RASGEF1C: variants seen among roughly 807,000 people sequenced by gnomAD.
RASGEF1C encodes RasGEF domain family member 1C.
In RASGEF1C, 27 loss-of-function variants were observed where a neutral mutation model predicts 58.1. The observed-to-expected ratio is 0.46, with a 90% CI of 0.34 to 0.64. The LOEUF (loss-of-function observed/expected upper bound fraction) is 0.64. Among genes scored for constraint, RASGEF1C ranks in the 30% least tolerant of loss-of-function variants. The probability of loss-of-function intolerance (pLI) is 0.01; values close to 1 mark genes in which losing one functional copy is unlikely to be tolerated. For missense variants in RASGEF1C, 502 were observed against 605.1 expected, an observed-to-expected ratio of 0.83 and a Z score of 1.79; for synonymous variants, 243 against 246.3, an observed-to-expected ratio of 0.99 and a Z score of 0.13.
At chr5:180,175,923 G>A (rs1041514359) in intron 1 of RASGEF1C, among the ~76,000 whole-genome samples, 1 of 152,260 alleles carries the variant, frequency 6.6e-6, no homozygotes, top group Admixed American at 6.5e-5. Flanking sequence ...GGAAGGCAGA[G>A]CTTGAAGTGA....
chr5:180,123,449 A>G (rs1465810163), intron 6 of RASGEF1C, among the ~76,000 whole-genome samples: 1 of 152,262 alleles, frequency 6.6e-6, no homozygotes, highest in African/African-American at 2.4e-5. Context: ...TTCTTTTCAA[A>G]TGTTCAGAAA....
chr5:180,128,851 TG>T (rs1367873845), intron 4 of RASGEF1C, among the ~76,000 whole-genome samples: 1 of 146,810 alleles, frequency 6.8e-6, no homozygotes, highest in African/African-American at 2.6e-5. Context: ...TTCCCATCTG[TG>T]GGTGGGAGCC....
chr5:180,159,186 C>T (rs947037578), intron 1 of RASGEF1C, among the ~76,000 whole-genome samples: 2 of 150,920 alleles, frequency 1.3e-5, no homozygotes, highest in Non-Finnish European at 2.9e-5. Context: ...GTTGCCCAGG[C>T]TGGAGTGCAA....
intron 1 of RASGEF1C, among the ~76,000 whole-genome samples, chr5:180,179,817 A>G (rs546478913): frequency 6.6e-6 from 1 of 152,378 alleles, no homozygotes; most frequent in African/African-American, 2.4e-5. Flanking sequence ...CCGTGTACCC[A>G]GAGATAAGTC....
In RASGEF1C at chr5:180,122,213, G is replaced by A. The variant is rs560121365; in HGVS notation, c.715-1064C>T. On this transcript the variant is annotated intron_variant, in intron 6 of 13. Transcript: ENST00000361132. ...TAACCTTGCATTTCCCCCCGGGAGC[G>A]ATGGTTCTGTGCTCCCTCACTCGGT... Among the ~76,000 whole-genome samples, 6 of 152,336 alleles carry A rather than the reference G, an allele frequency of 3.9e-5. No homozygotes were observed. The East Asian group carries it at 9.6e-4, about 24-fold the overall frequency.
Position 180,101,353 on chromosome 5 carries a change from G to GGT in RASGEF1C, c.*147_*148insAC. The GGT allele has an allele frequency of 7.8e-6, 2 of 256,322 alleles. No homozygotes were observed. The highest frequency in any genetic ancestry group is 1.2e-5 in the Non-Finnish European group (2 of 163,700). 15.9% of individuals were successfully genotyped at this position (256,322 alleles called of 1,614,324 possible). On this transcript the variant is annotated 3_prime_UTR_variant, in exon 14 of 14. Transcript: ENST00000361132. Reference sequence around the variant, plus strand: ...CTCCTGTGCCCGTATGGCCACTGTGGGGGGGGGGGGGGCGGGCAGCAGGCC... The same window carrying GGT: ...CTCCTGTGCCCGTATGGCCACTGTGGGTGGGGGGGGGGGGCGGGCAGCAGGCC...
rs1022722908 is a variant in RASGEF1C, at chr5:180,152,842, C to T, written c.-6-14784G>A. Among the ~76,000 whole-genome samples the T allele has an allele frequency of 2.8e-4, 40 of 144,394 alleles. 1 individual carries two copies. The highest frequency in any genetic ancestry group is 1.5e-3 in the South Asian group (7 of 4,536). 94.7% of individuals were successfully genotyped at this position (144,394 alleles called of 152,430 possible). On this transcript the variant is annotated intron_variant, in intron 1 of 13. Coordinates refer to ENST00000361132, the MANE Select transcript of RASGEF1C (RefSeq NM_175062.4). ...AGGAGAACTGCTTGAACCCGAGAGG[C>T]GGAAGTTGCAGTGGGCCGAGATTGC...
intron 12 of RASGEF1C, among the ~76,000 whole-genome samples, chr5:180,103,267 T>C (rs6877634): frequency 0.59 from 89,292 of 151,894 alleles, 26,533 homozygotes; most frequent in East Asian, 0.7. Context: ...TTAGTAGAGA[T>C]GGGGTTTCAC....
intron 1 of RASGEF1C, among the ~76,000 whole-genome samples, chr5:180,200,794 CGCGCTCCTCTA>C (rs1206202816): frequency 6.6e-6 from 1 of 152,074 alleles, no homozygotes; most frequent in Non-Finnish European, 1.5e-5. Flanking sequence ...AGACAGGGCG[CGCGCTCCTCTA>C]ACTGGTGTGG....
At position 180,113,024 on chromosome 5, in the gene RASGEF1C, GATGGA is replaced by G. The variant is rs1408219876; in HGVS notation, c.1179+1417_1179+1421del. Among the ~76,000 whole-genome samples the G allele has an allele frequency of 2.0e-5, 2 of 101,646 alleles. 1 individual carries two copies. The highest frequency in any genetic ancestry group is 6.8e-5 in the African/African-American group (2 of 29,246). 66.7% of individuals were successfully genotyped at this position (101,646 alleles called of 152,430 possible). A position where few individuals can be genotyped will look rare whatever the true frequency, so the allele number is the denominator to read the frequency against. ...ATCCGGGCTGGACGGAGGGACCGGG[GATGGA>G]CGGAGGGACCGGGGATGGACGGAGG... On this transcript the variant is annotated intron_variant, in intron 11 of 13. Transcript: ENST00000361132.
At chr5:180,107,833 G>A (rs940575642) in intron 12 of RASGEF1C, among the ~76,000 whole-genome samples, 1 of 152,156 alleles carries the variant, frequency 6.6e-6, no homozygotes, top group Non-Finnish European at 1.5e-5. Flanking sequence ...GGTTGGTCAG[G>A]CTGGTCTCGA....
At chr5:180,196,276 G>C (rs976708319) in intron 1 of RASGEF1C, among the ~76,000 whole-genome samples, 3 of 152,052 alleles carry the variant, frequency 2.0e-5, no homozygotes, top group African/African-American at 4.8e-5. Context: ...AAGGCAGGTG[G>C]ATCACTTGAG....
rs188522526 is a variant in RASGEF1C at position 180,132,674 on chromosome 5, T to C, written c.438+3704A>G. Among the ~76,000 whole-genome samples, 1,101 of 152,212 alleles carry C rather than the reference T, an allele frequency of 7.2e-3. 8 individuals are homozygous for C. Among genetic ancestry groups the C allele is most frequent in the Middle Eastern group, 0.01 (3 of 294 alleles). On this transcript the variant is annotated intron_variant, in intron 4 of 13. Transcript: ENST00000361132. Reference sequence around the variant, plus strand: ...CCCCAGACAGTCCGTGTGGGCGAGTTAGAAAGCAAGACCAGGCCGGGCGCG... The same window carrying C: ...CCCCAGACAGTCCGTGTGGGCGAGTCAGAAAGCAAGACCAGGCCGGGCGCG...
At chr5:180,110,093 G>A (rs1765933831) in intron 12 of RASGEF1C, among the ~76,000 whole-genome samples, 1 of 151,912 alleles carries the variant, frequency 6.6e-6, no homozygotes, top group Non-Finnish European at 1.5e-5. Flanking sequence ...GACTTCGCCT[G>A]GGCAGCTCCA....
intron 3 of RASGEF1C, 135 bp from the exon 4 acceptor site, chr5:180,136,650 G>A (rs937947694): frequency 2.1e-6 from 2 of 949,648 alleles, no homozygotes; most frequent in East Asian, 2.7e-5. Flanking sequence ...GAGGAGGAGG[G>A]GGGTGCGATC....
chr5:180,129,601 C>A (rs1188235513), intron 4 of RASGEF1C, among the ~76,000 whole-genome samples: 2 of 152,190 alleles, frequency 1.3e-5, no homozygotes, highest in African/African-American at 4.8e-5. Context: ...CTGTGTGTCT[C>A]AAAATCGCAT....
At chr5:180,144,469 T>C (rs764365966) in intron 1 of RASGEF1C, among the ~76,000 whole-genome samples, 2 of 152,024 alleles carry the variant, frequency 1.3e-5, no homozygotes, top group Non-Finnish European at 2.9e-5. Flanking sequence ...GACCCTCATC[T>C]CTAGAAAAAG....
chr5:180,128,401 C>G lies in RASGEF1C; in HGVS notation c.639+9G>C. 12 of 1,612,224 alleles carry G rather than the reference C, an allele frequency of 7.4e-6. No homozygotes were observed. Among genetic ancestry groups the G allele is most frequent in the Non-Finnish European group, 9.3e-6 (11 of 1,179,304 alleles). ...TCCCGGGTGAGGAAGGTGGTTTGGG[C>G]CGGCTTACCAGTTCCACGTGGGTCA... On this transcript the variant is annotated intron_variant, in intron 5 of 13. Coordinates refer to ENST00000361132, the MANE Select transcript of RASGEF1C (RefSeq NM_175062.4).
At chr5:180,163,180 T>A (rs2113302482) in intron 1 of RASGEF1C, among the ~76,000 whole-genome samples, 1 of 150,800 alleles carries the variant, frequency 6.6e-6, no homozygotes, top group African/African-American at 2.4e-5. Flanking sequence ...CAGACAGTTT[T>A]AGTTCTTGCC....
Sources: gnomAD v4.1 joint callset for allele counts (sites outside exome capture counted in the v4.1 genomes callset) on GRCh38, gnomAD v4.1.1 for gene constraint, MANE v1.5 for transcripts, NCBI Gene and HGNC (gene_info 2026-07-23, HGNC 2026-07-21) for gene names.